Variants in EFNA5 observed in about 807,000 individuals in gnomAD.
The protein encoded by EFNA5 is ephrin-A5.
A neutral mutation model predicts 22.9 loss-of-function variants in EFNA5; 5 were observed. The observed-to-expected ratio is 0.22, with a 90% CI of 0.11 to 0.46. EFNA5 has a LOEUF of 0.46. Ranked by LOEUF, EFNA5 falls within the 20% of genes least tolerant of loss-of-function variation. The pLI, the probability that EFNA5 is intolerant of heterozygous loss-of-function variation, is 0.99. For missense variants in EFNA5, 237 were observed against 293.3 expected (o/e 0.81, Z 1.40); for synonymous variants, 113 against 112.2 (o/e 1.01, Z -0.04).
chr5:107,421,556 A>G (rs1037775428), intron 2 of EFNA5, among the ~76,000 whole-genome samples: 1 of 152,190 alleles, frequency 6.6e-6, no homozygotes, highest in East Asian at 1.9e-4. Flanking sequence ...TACAGTTGAA[A>G]TATCTTCTGG....
intron 1 of EFNA5, among the ~76,000 whole-genome samples, chr5:107,616,950 A>T (rs1749929471): frequency 6.6e-6 from 1 of 151,594 alleles, no homozygotes; most frequent in African/African-American, 2.4e-5. Flanking sequence ...ATCAATTTCT[A>T]CTCCTTTGCC....
At chr5:107,424,146 C>A (rs377188428) in intron 2 of EFNA5, among the ~76,000 whole-genome samples, 1 of 151,686 alleles carries the variant, frequency 6.6e-6, no homozygotes, top group East Asian at 1.9e-4. Flanking sequence ...CTACTCCTAG[C>A]ACCATAAAGC....
intron 1 of EFNA5, among the ~76,000 whole-genome samples, chr5:107,628,739 T>G (rs139751402): frequency 6.6e-6 from 1 of 152,168 alleles, no homozygotes; most frequent in African/African-American, 2.4e-5. Context: ...GTGAATCCCA[T>G]GCAAGCTGTC....
At chr5:107,641,003 G>T (rs1324902848) in intron 1 of EFNA5, among the ~76,000 whole-genome samples, 1 of 141,012 alleles carries the variant, frequency 7.1e-6, no homozygotes, top group Non-Finnish European at 1.6e-5. Context: ...TAGATAGATA[G>T]ATAGATAGAT....
intron 1 of EFNA5, among the ~76,000 whole-genome samples, chr5:107,586,829 G>C (rs1310998715): frequency 1.3e-5 from 2 of 152,168 alleles, no homozygotes; most frequent in Admixed American, 1.3e-4. Flanking sequence ...AGATAATTTT[G>C]TCTTCAGAAG....
chr5:107,446,540 G>A (rs1380020550), intron 1 of EFNA5, among the ~76,000 whole-genome samples: 1 of 152,058 alleles, frequency 6.6e-6, no homozygotes, highest in Non-Finnish European at 1.5e-5. Context: ...ACGAGATCAG[G>A]AGATCGAGAC....
chr5:107,474,618 T>A (rs1052095015), intron 1 of EFNA5, among the ~76,000 whole-genome samples: 2 of 152,138 alleles, frequency 1.3e-5, no homozygotes, highest in Non-Finnish European at 2.9e-5. Context: ...ACCTATAGCA[T>A]CCTGGGATGG....
intron 1 of EFNA5, among the ~76,000 whole-genome samples, chr5:107,558,967 T>A (rs897873614): frequency 3.3e-5 from 5 of 152,212 alleles, no homozygotes; most frequent in Admixed American, 6.5e-5. Flanking sequence ...TCTGGCACTT[T>A]TATGTTTAAG....
chr5:107,487,399 G>A (rs1346351526), intron 1 of EFNA5, among the ~76,000 whole-genome samples: 2 of 152,236 alleles, frequency 1.3e-5, no homozygotes, highest in African/African-American at 4.8e-5. Flanking sequence ...GCTCAAGGCA[G>A]TGAGTGATTC....
chr5:107,628,409 A>C (rs1041379812), intron 1 of EFNA5, among the ~76,000 whole-genome samples: 1 of 152,210 alleles, frequency 6.6e-6, no homozygotes, highest in Non-Finnish European at 1.5e-5. Context: ...ATATTATAGC[A>C]TATAAAATGA....
At chr5:107,422,066 C>A (rs1467194684) in intron 2 of EFNA5, among the ~76,000 whole-genome samples, 4 of 152,202 alleles carry the variant, frequency 2.6e-5, no homozygotes, top group Admixed American at 6.5e-5. Context: ...GCTGGGATTA[C>A]AGGCATGAGC....
chr5:107,518,354 C>A (rs1207350145), intron 1 of EFNA5, among the ~76,000 whole-genome samples: 1 of 151,708 alleles, frequency 6.6e-6, no homozygotes, highest in Non-Finnish European at 1.5e-5. Context: ...CCCTGGAGGT[C>A]ACTGTGATTG....
At chr5:107,634,278 G>A (rs1329549207) in intron 1 of EFNA5, among the ~76,000 whole-genome samples, 2 of 152,092 alleles carry the variant, frequency 1.3e-5, no homozygotes, top group Non-Finnish European at 2.9e-5. Context: ...CACTTTGGAA[G>A]GCCAAGCTGG....
At chr5:107,577,940 T>C (rs1351843804) in intron 1 of EFNA5, among the ~76,000 whole-genome samples, 1 of 152,180 alleles carries the variant, frequency 6.6e-6, no homozygotes, top group Non-Finnish European at 1.5e-5. Context: ...AGGTTATGCC[T>C]GACAGTTGGC....
rs879804243 is a variant in EFNA5 at position 107,618,922 on chromosome 5, CT to C, written c.125+51566del. Among the ~76,000 whole-genome samples, 567 of 146,078 alleles carry C rather than the reference CT, an allele frequency of 3.9e-3. 1 individual carries two copies. The highest frequency in any genetic ancestry group is 0.01 in the African/African-American group (404 of 40,130). ...AATGTGCCTATGCCAGTTGTGTACT[CT>C]TTTTTTTTTTTATTTTGAGACGGAG... On this transcript the variant is annotated intron_variant, in intron 1 of 4. Coordinates refer to ENST00000333274, the MANE Select transcript of EFNA5 (RefSeq NM_001962.3).
chr5:107,387,454 A>G (rs1020282920), intron 3 of EFNA5, 139 bp from the exon 4 acceptor site: 10 of 635,448 alleles, frequency 1.6e-5, no homozygotes, highest in Non-Finnish European at 2.4e-5. Context: ...TCCAAATGCC[A>G]ATATTGTTCC....
intron 1 of EFNA5, among the ~76,000 whole-genome samples, chr5:107,513,449 T>C (rs764025650): frequency 2.6e-5 from 4 of 152,072 alleles, no homozygotes; most frequent in Admixed American, 1.3e-4. Flanking sequence ...ACTGCAAAGA[T>C]GGGGAAATGA....
rs755279043 is a variant in EFNA5, at chr5:107,670,904, G to C, written c.-291C>G. ...ACAAGATGGAGAGAAGCGTGCGTGT[G>C]TGTGGTGGCGGCGGCGAGGGCGGGG... On this transcript the variant is annotated 5_prime_UTR_variant, in exon 1 of 5. Transcript: ENST00000333274. 1.7e-5 allele frequency: 6 copies of C among 346,774 alleles called. No homozygotes were observed. The highest frequency in any genetic ancestry group is 2.6e-5 in the Non-Finnish European group (5 of 192,500). 21.5% of individuals were successfully genotyped at this position (346,774 alleles called of 1,614,324 possible).
intron 1 of EFNA5, among the ~76,000 whole-genome samples, chr5:107,636,794 C>T (rs1750381194): frequency 6.6e-6 from 1 of 152,090 alleles, no homozygotes; most frequent in African/African-American, 2.4e-5. Flanking sequence ...CAAACATGGT[C>T]CCATAATAAC....
Sources: gnomAD v4.1 joint callset for allele counts (sites outside exome capture counted in the v4.1 genomes callset) on GRCh38, gnomAD v4.1.1 for gene constraint, MANE v1.5 for transcripts, NCBI Gene and HGNC (gene_info 2026-07-23, HGNC 2026-07-21) for gene names.